CCDC60: variants seen among roughly 807,000 people sequenced by gnomAD.
The protein encoded by CCDC60 is coiled-coil domain containing 60, also known as coiled-coil domain-containing protein 60.
A neutral mutation model predicts 63.5 loss-of-function variants in CCDC60; 54 were observed. The ratio of observed to expected loss-of-function variants is 0.85; its 90% confidence interval spans 0.68 to 1.07. The LOEUF (loss-of-function observed/expected upper bound fraction) is 1.07, where lower values mean the gene tolerates loss of function less well. CCDC60 is among the 50% of genes least tolerant of loss of function. The probability of loss-of-function intolerance (pLI) is 0.00; values close to 1 mark genes in which losing one functional copy is unlikely to be tolerated. For missense variants in CCDC60, 651 were observed against 684.3 expected (o/e 0.95, Z 0.54); for synonymous variants, 206 against 238.8 (o/e 0.86, Z 1.27).
chr12:119,517,058 G>A (rs1952372679), intron 8 of CCDC60, among the ~76,000 whole-genome samples: 1 of 151,954 alleles, frequency 6.6e-6, no homozygotes, highest in Non-Finnish European at 1.5e-5. Flanking sequence ...CACAATCATA[G>A]CTCACTGCAG....
Position 119,519,426 on chromosome 12 carries a change from T to C in CCDC60, c.969-695T>C, listed in dbSNP as rs1339593725. On this transcript the variant is annotated intron_variant, in intron 8 of 13. Transcript: ENST00000327554. ...ATGTGTGTGTGTGTGTGTGTGTGTGTGTGTGTGTGCGCGTGTGTGTGTGTG... is the reference window on the plus strand; with the variant it reads ...ATGTGTGTGTGTGTGTGTGTGTGTGCGTGTGTGTGCGCGTGTGTGTGTGTG... 3.5e-3 allele frequency among the ~76,000 whole-genome samples: 487 copies of C among 137,926 alleles called. 2 individuals are homozygous for C. Among genetic ancestry groups the C allele is most frequent in the African/African-American group, 0.012 (417 of 34,878 alleles). The allele number at this position is 137,926 out of a possible 152,430, so 90.5% of individuals were successfully genotyped here.
chr12:119,343,521 T>C (rs547946331), intron 1 of CCDC60, among the ~76,000 whole-genome samples: 24 of 152,010 alleles, frequency 1.6e-4, no homozygotes, highest in Admixed American at 1.3e-3. Flanking sequence ...GCACCTACCA[T>C]GTGACAGATG....
intron 2 of CCDC60, among the ~76,000 whole-genome samples, chr12:119,460,465 G>C (rs1468816268): frequency 2.0e-5 from 3 of 152,014 alleles, no homozygotes; most frequent in Non-Finnish European, 4.4e-5. Context: ...ATAAAATAAT[G>C]GTGCATTTTA....
intron 1 of CCDC60, among the ~76,000 whole-genome samples, chr12:119,397,327 C>G (rs1197413766): frequency 1.3e-5 from 2 of 152,076 alleles, no homozygotes; most frequent in Non-Finnish European, 2.9e-5. Context: ...TCTGGCCCTA[C>G]CCACACCCTG....
intron 1 of CCDC60, among the ~76,000 whole-genome samples, chr12:119,419,446 C>A (rs1405525424): frequency 6.6e-6 from 1 of 152,204 alleles, no homozygotes; most frequent in East Asian, 1.9e-4. Flanking sequence ...TTCAGGTTCA[C>A]CTGATAAGAG....
chr12:119,378,956 G>A (rs558132798), intron 1 of CCDC60, among the ~76,000 whole-genome samples: 1 of 152,294 alleles, frequency 6.6e-6, no homozygotes, highest in African/African-American at 2.4e-5. Context: ...TCAGCCCAGG[G>A]CCAACACATT....
intron 2 of CCDC60, among the ~76,000 whole-genome samples, chr12:119,435,929 C>G (rs1467936864): frequency 3.3e-5 from 5 of 152,126 alleles, no homozygotes; most frequent in Non-Finnish European, 5.9e-5. Context: ...TCAGCTGGCT[C>G]TAGGCAGGTC....
intron 1 of CCDC60, among the ~76,000 whole-genome samples, chr12:119,354,278 G>A (rs1955694402): frequency 6.6e-6 from 1 of 152,180 alleles, no homozygotes; most frequent in Non-Finnish European, 1.5e-5. Context: ...ATCAAGGAAA[G>A]CAGACTTTCA....
At chr12:119,425,903 A>G (rs1259327402) in intron 1 of CCDC60, among the ~76,000 whole-genome samples, 3 of 152,210 alleles carry the variant, frequency 2.0e-5, no homozygotes, top group African/African-American at 7.2e-5. Flanking sequence ...GCTGGTAACC[A>G]TGAGCATCTC....
chr12:119,427,987 A>C (rs11064794), intron 1 of CCDC60, among the ~76,000 whole-genome samples: 40,692 of 152,034 alleles, frequency 0.27, 5,671 homozygotes, highest in Non-Finnish European at 0.33. Flanking sequence ...CTCTAAAAAA[A>C]ATAAATAAAA....
At chr12:119,505,443 G>T (rs759809267) in intron 7 of CCDC60, 140 bp downstream of exon 7, 2 of 621,000 alleles carry the variant, frequency 3.2e-6, no homozygotes, top group Admixed American at 2.9e-5. Flanking sequence ...AATTTCCTTG[G>T]ACCTCTTTGT....
intron 1 of CCDC60, among the ~76,000 whole-genome samples, chr12:119,426,099 C>T (rs1956894958): frequency 6.6e-6 from 1 of 152,196 alleles, no homozygotes; most frequent in Non-Finnish European, 1.5e-5. Context: ...CCACCCGCTT[C>T]ACCCATCCCT....
In CCDC60 at chr12:119,378,895, C is replaced by T. The variant is rs190309702; in HGVS notation, c.90+43629C>T. Among the ~76,000 whole-genome samples, 20 of 152,350 alleles carry T rather than the reference C, an allele frequency of 1.3e-4. No individual in the cohort carries two copies. In the East Asian group the frequency reaches 3.7e-3, roughly 28 times the overall value. ...CCAGACCCATAGACGAATCTTCCCTCTGTACATGGTGGGTAAGCCACCCAT... is the reference window on the plus strand; with the variant it reads ...CCAGACCCATAGACGAATCTTCCCTTTGTACATGGTGGGTAAGCCACCCAT... On this transcript the variant is annotated intron_variant, in intron 1 of 13. Coordinates refer to ENST00000327554, the MANE Select transcript of CCDC60 (RefSeq NM_178499.5).
In CCDC60 at chr12:119,418,386, C is replaced by CTTTTTTTTTTTTTTTTTTTTTTTT. The variant is rs556783132; in HGVS notation, c.91-10274_91-10251dup. On this transcript the variant is annotated intron_variant, in intron 1 of 13. Coordinates refer to ENST00000327554, the MANE Select transcript of CCDC60 (RefSeq NM_178499.5). ...TCTTTCTTTTTCCTTTTCTTTCTTT[C>CTTTTTTTTTTTTTTTTTTTTTTTT]TTTTTTTTTTTTTTTTTTTTTTTTT... is the stretch of plus-strand genomic sequence containing the variant. 1.8e-4 allele frequency among the ~76,000 whole-genome samples: 12 copies of CTTTTTTTTTTTTTTTTTTTTTTTT among 65,760 alleles called. 2 individuals carry two copies. Among genetic ancestry groups the CTTTTTTTTTTTTTTTTTTTTTTTT allele is most frequent in the Non-Finnish European group, 3.0e-4 (11 of 37,254 alleles). The allele number at this position is 65,760 out of a possible 152,430, so 43.1% of individuals were successfully genotyped here. A position where few individuals can be genotyped will look rare whatever the true frequency, so the allele number is the denominator to read the frequency against.
intron 1 of CCDC60, among the ~76,000 whole-genome samples, chr12:119,413,588 C>T (rs1252007515): frequency 1.3e-5 from 2 of 152,196 alleles, no homozygotes; most frequent in Non-Finnish European, 2.9e-5. Flanking sequence ...TCACAAAGCC[C>T]TGTGTACCAA....
chr12:119,407,039 C>T (rs929213125), intron 1 of CCDC60, among the ~76,000 whole-genome samples: 2 of 152,148 alleles, frequency 1.3e-5, no homozygotes, highest in African/African-American at 2.4e-5. Flanking sequence ...AGAACAGTCA[C>T]CACAATGCCA....
At chr12:119,525,402 G>A (rs1379192137) in intron 11 of CCDC60, among the ~76,000 whole-genome samples, 1 of 152,098 alleles carries the variant, frequency 6.6e-6, no homozygotes, top group African/African-American at 2.4e-5. Flanking sequence ...AGAGAGAAAG[G>A]GCAGGTCACC....
At position 119,516,169 on chromosome 12, in the gene CCDC60, G is replaced by A. The variant is rs770476139; in HGVS notation, c.884-454G>A. Among the ~76,000 whole-genome samples the A allele has an allele frequency of 7.2e-4, 109 of 152,072 alleles. 3 individuals carry two copies. The highest frequency in any genetic ancestry group is 2.9e-4 in the Non-Finnish European group (20 of 68,006). ...CACCCAGGCTGGAGTGCAGTGGCAT[G>A]ATCTCGGCTCGCTGCAACCTCTGCC... is the stretch of plus-strand genomic sequence containing the variant. On this transcript the variant is annotated intron_variant, in intron 7 of 13. Transcript: ENST00000327554.
At chr12:119,384,911 G>C (rs181924006) in intron 1 of CCDC60, among the ~76,000 whole-genome samples, 1 of 152,150 alleles carries the variant, frequency 6.6e-6, no homozygotes, top group East Asian at 1.9e-4. Flanking sequence ...GTTGAGTTCT[G>C]CACAAGCTCC....
Sources: gnomAD v4.1 joint callset for allele counts (sites outside exome capture counted in the v4.1 genomes callset) on GRCh38, gnomAD v4.1.1 for gene constraint, MANE v1.5 for transcripts, NCBI Gene and HGNC (gene_info 2026-07-23, HGNC 2026-07-21) for gene names.